CIAO1: variants seen among roughly 807,000 people sequenced by gnomAD.
CIAO1 encodes the protein probable cytosolic iron-sulfur protein assembly protein CIAO1.
Under a neutral mutation model 43.1 loss-of-function variants are expected in CIAO1, and 32 were observed. The ratio of observed to expected loss-of-function variants is 0.74; its 90% CI spans 0.56 to 1.00. CIAO1 has a LOEUF of 1.00. Ranked by LOEUF, CIAO1 falls within the 50% of genes least tolerant of loss-of-function variation. CIAO1 has a pLI of 0.00. For missense variants in CIAO1, 415 were observed against 437.4 expected (o/e 0.95, Z 0.46); for synonymous variants, 183 against 171.4 (o/e 1.07, Z -0.53).
intron 6 of CIAO1, 100 bp downstream of exon 6, chr2:96,269,455 G>A: frequency 9.1e-7 from 1 of 1,103,200 alleles, no homozygotes; most frequent in South Asian, 1.3e-5. Context: ...GGAGTGCTTG[G>A]GAATTGAGGG....
In CIAO1 at chr2:96,266,459, G is replaced by A; in HGVS notation, c.109G>A (p.Asp37Asn). The change falls in exon 1 of 7, where the codon GAC becomes AAC. Residue 37 changes from aspartate to asparagine, a missense_variant. Coordinates refer to ENST00000488633, the MANE Select transcript of CIAO1 (RefSeq NM_004804.3). ...AGTLLASCGG[D>N]RRIRIWGTEG... is the part of the protein sequence containing the mutation. The stretch of plus-strand genomic sequence containing the variant: ...GACCCTGCTGGCCTCGTGCGGCGGC[G>A]ACCGGAGAATCCGCATCTGGGGCAC... 3 of 1,551,038 alleles carry A rather than the reference G, an allele frequency of 1.9e-6. No homozygotes were observed. The highest frequency in any genetic ancestry group is 1.2e-5 in the South Asian group (1 of 85,968).
Position 96,268,452 on chromosome 2 carries a change from C to G in CIAO1, c.490-5C>G, listed in dbSNP as rs542568006. 2.5e-6 allele frequency: 4 copies of G among 1,613,998 alleles called. No homozygotes were observed. The African/African-American group carries it at 5.3e-5, about 22-fold the overall frequency. On this transcript the variant is annotated splice_polypyrimidine_tract_variant and splice_region_variant and intron_variant, in intron 4 of 6. Coordinates refer to ENST00000488633, the MANE Select transcript of CIAO1 (RefSeq NM_004804.3). ...ATGTTGGGTTTCCTTTCACTCTTCC[C>G]CCAGCTCTTAGCTTCTGCCAGCTAT... is the stretch of plus-strand genomic sequence containing the variant.
chr2:96,269,351 G>T lies in CIAO1; in HGVS notation c.775G>T (p.Ala259Ser). The T allele has an allele frequency of 1.2e-6, 2 of 1,613,844 alleles. No homozygotes were observed. Among genetic ancestry groups the T allele is most frequent in the Middle Eastern group, 1.6e-4 (1 of 6,062 alleles). The change falls in exon 6 of 7, where the codon GCT becomes TCT. Residue 259 changes from alanine to serine, a missense_variant. Coordinates refer to ENST00000488633, the MANE Select transcript of CIAO1 (RefSeq NM_004804.3). ...CCACTCAAGGACCATTTATGACATT[G>T]CTTGGTAAGACTCCATCCCCCCACC... is the stretch of plus-strand genomic sequence containing the variant. ...GFHSRTIYDI[A>S]WCQLTGALAT...
intron 6 of CIAO1, among the ~76,000 whole-genome samples, chr2:96,270,893 G>A (rs1573982961): frequency 6.6e-6 from 1 of 152,022 alleles, no homozygotes; most frequent in South Asian, 2.1e-4. Context: ...ATTGCATGTC[G>A]TTTTTTAGGA....
chr2:96,268,879 G>A (rs1342678607), intron 5 of CIAO1: 1 of 577,160 alleles, frequency 1.7e-6, no homozygotes, highest in Non-Finnish European at 3.1e-6. Flanking sequence ...TTTCACGTGA[G>A]AATTCAAGTG....
Position 96,272,479 on chromosome 2 carries a change from A to AT in CIAO1, c.*1129dup, listed in dbSNP as rs1307768205. The AT allele has an allele frequency of 3.3e-5, 5 of 152,240 alleles. No homozygotes were observed. Among genetic ancestry groups the AT allele is most frequent in the African/African-American group, 1.2e-4 (5 of 41,458 alleles). 9.4% of individuals were successfully genotyped at this position (152,240 alleles called of 1,614,324 possible). On this transcript the variant is annotated 3_prime_UTR_variant, in exon 7 of 7. Transcript: ENST00000488633. The stretch of plus-strand genomic sequence containing the variant: ...TGGCAGCAAACTTCTAGTAGTTTTG[A>AT]TATGTCCTTGATAGAACAAATAGCA...
chr2:96,266,381 G>C lies in CIAO1; in HGVS notation c.31G>C (p.Val11Leu). The change falls in exon 1 of 7, where the codon GTC (valine) becomes CTC (leucine). Residue 11 changes from valine (V) to leucine (L), a missense_variant. Coordinates refer to ENST00000488633, the MANE Select transcript of CIAO1 (RefSeq NM_004804.3). MKDSLVLLGR[V>L]PAHPDSRCWF... ...GGACTCGCTGGTGCTGCTGGGCCGT[G>C]TCCCGGCGCACCCGGACTCCCGCTG... 5.3e-6 allele frequency: 8 copies of C among 1,512,496 alleles called. No homozygotes were observed. Among genetic ancestry groups the C allele is most frequent in the Non-Finnish European group, 7.1e-6 (8 of 1,122,716 alleles). The allele number at this position is 1,512,496 out of a possible 1,614,324, so 93.7% of individuals were successfully genotyped here. A position where few individuals can be genotyped will look rare whatever the true frequency, so the allele number is the denominator to read the frequency against.
Position 96,268,456 on chromosome 2 carries a change from G to C in CIAO1, c.490-1G>C. On this transcript the variant is annotated splice_acceptor_variant, in intron 4 of 6. Transcript: ENST00000488633. LOFTEE classifies it high-confidence loss of function. ...TGGGTTTCCTTTCACTCTTCCCCCA[G>C]CTCTTAGCTTCTGCCAGCTATGATG... 1 of 1,614,054 alleles carries C rather than the reference G, an allele frequency of 6.2e-7. No homozygotes were observed. Among genetic ancestry groups the C allele is most frequent in the Non-Finnish European group, 8.5e-7 (1 of 1,179,914 alleles).
In CIAO1 at chr2:96,269,290, C is replaced by A. The variant is rs764794024; in HGVS notation, c.714C>A (p.Asp238Glu). Reference sequence around the variant, plus strand: ...CAGGGGTGGCATGCAGCGGCTCTGACCCCAGTTGGAAATGTATCTGTACTT... The same window carrying A: ...CAGGGGTGGCATGCAGCGGCTCTGAACCCAGTTGGAAATGTATCTGTACTT... Reference protein sequence around the residue: ...NEQGVACSGSDPSWKCICTLS... With the variant: ...NEQGVACSGSEPSWKCICTLS... Residue 238 changes from aspartate (D) to glutamate (E), a missense_variant, in exon 6 of 7, where the codon GAC becomes GAA. Transcript: ENST00000488633. 6.2e-7 allele frequency: 1 copy of A among 1,614,146 alleles called. No homozygotes were observed. The highest frequency in any genetic ancestry group is 2.2e-5 in the East Asian group (1 of 44,882).
At position 96,272,255 on chromosome 2, in the gene CIAO1, T is replaced by A. The variant is rs944327898; in HGVS notation, c.*904T>A. On this transcript the variant is annotated 3_prime_UTR_variant, in exon 7 of 7. Coordinates refer to ENST00000488633, the MANE Select transcript of CIAO1 (RefSeq NM_004804.3). ...CTCTTGACAGTCACTTCTAAATGGGTTCTAATGTGACAATGGCCTCCAAAA... is the reference window on the plus strand; with the variant it reads ...CTCTTGACAGTCACTTCTAAATGGGATCTAATGTGACAATGGCCTCCAAAA... 5 of 152,124 alleles carry A rather than the reference T, an allele frequency of 3.3e-5. No individual in the cohort carries two copies. Among genetic ancestry groups the A allele is most frequent in the African/African-American group, 1.2e-4 (5 of 41,412 alleles). The allele number at this position is 152,124 out of a possible 1,614,324, so 9.4% of individuals were successfully genotyped here.
At position 96,271,564 on chromosome 2, in the gene CIAO1, A is replaced by C. The variant is rs1038036866; in HGVS notation, c.*213A>C. On this transcript the variant is annotated 3_prime_UTR_variant, in exon 7 of 7. Coordinates refer to ENST00000488633, the MANE Select transcript of CIAO1 (RefSeq NM_004804.3). ...GTAAAGAGCTACAGAACATGAGTAC[A>C]TTGTTATACCACAGATTTTTCTTGC... is the stretch of plus-strand genomic sequence containing the variant. 13 of 569,394 alleles carry C rather than the reference A, an allele frequency of 2.3e-5. No homozygotes were observed. The highest frequency in any genetic ancestry group is 3.7e-5 in the Non-Finnish European group (12 of 324,876). 35.3% of individuals were successfully genotyped at this position (569,394 alleles called of 1,614,324 possible).
At chr2:96,266,583 C>G in intron 1 of CIAO1, 94 bp downstream of exon 1, 6 of 1,240,642 alleles carry the variant, frequency 4.8e-6, no homozygotes, top group Non-Finnish European at 6.1e-6. Flanking sequence ...TGAACCTGTT[C>G]CTGGCGGAGG....
Position 96,271,390 on chromosome 2 carries a change from A to C in CIAO1, c.*39A>C. ...TGGACAGAGTAATGACTCCCCAGAA[A>C]ACGTCATATAAGACTTTACCAGCCC... On this transcript the variant is annotated 3_prime_UTR_variant, in exon 7 of 7. Coordinates refer to ENST00000488633, the MANE Select transcript of CIAO1 (RefSeq NM_004804.3). 2 of 1,600,886 alleles carry C rather than the reference A, an allele frequency of 1.2e-6. No homozygotes were observed. The highest frequency in any genetic ancestry group is 1.7e-6 in the Non-Finnish European group (2 of 1,173,262).
At position 96,271,512 on chromosome 2, in the gene CIAO1, T is replaced by C; in HGVS notation, c.*161T>C. 1 of 789,200 alleles carries C rather than the reference T, an allele frequency of 1.3e-6. No homozygotes were observed. Among genetic ancestry groups the C allele is most frequent in the Non-Finnish European group, 2.0e-6 (1 of 510,448 alleles). 48.9% of individuals were successfully genotyped at this position (789,200 alleles called of 1,614,324 possible). ...GTGCAGAGCCACAGAATTGCTTTCC[T>C]TCCCCGCCTTTGACATGAGGCCTTC... is the stretch of plus-strand genomic sequence containing the variant. On this transcript the variant is annotated 3_prime_UTR_variant, in exon 7 of 7. Transcript: ENST00000488633.
Position 96,267,330 on chromosome 2 carries a change from G to A in CIAO1, c.149G>A (p.Trp50Ter), listed in dbSNP as rs750150543. 1 of 1,612,788 alleles carries A rather than the reference G, an allele frequency of 6.2e-7. No homozygotes were observed. The highest frequency in any genetic ancestry group is 2.2e-5 in the East Asian group (1 of 44,816). The change falls in exon 2 of 7, where the codon TGG (tryptophan) becomes TAG (stop). Residue 50 changes from tryptophan to a stop codon, truncating the protein, a stop_gained. Coordinates refer to ENST00000488633, the MANE Select transcript of CIAO1 (RefSeq NM_004804.3). LOFTEE classifies it high-confidence loss of function. ...TGCGCTCCGCCTTTAGGTGACAGCT[G>A]GATCTGCAAGTCTGTCCTTTCTGAA... Reference protein sequence around the residue: ...IRIWGTEGDSWICKSVLSEGH... With the variant: ...IRIWGTEGDS
In CIAO1 at chr2:96,266,433, G is replaced by A. The variant is rs772201213; in HGVS notation, c.83G>A (p.Gly28Glu). The A allele has an allele frequency of 1.3e-5, 20 of 1,563,416 alleles. No individual in the cohort carries two copies. The Admixed American group carries it at 3.5e-4, about 27-fold the overall frequency. ...RCWFLAWNPA[G>E]TLLASCGGDR... ...TGGTTCCTGGCCTGGAACCCCGCGG[G>A]GACCCTGCTGGCCTCGTGCGGCGGC... Residue 28 changes from glycine (G) to glutamate (E), a missense_variant, in exon 1 of 7, where the codon GGG becomes GAG. Gly to Glu is a moderately conservative substitution (Grantham distance 98). Transcript: ENST00000488633.
chr2:96,267,396 G>GC lies in CIAO1; in HGVS notation c.216dup (p.Gly73ArgfsTer2), dbSNP rs780938121. 1.2e-6 allele frequency: 2 copies of GC among 1,614,180 alleles called. No individual in the cohort carries two copies. The highest frequency in any genetic ancestry group is 1.7e-6 in the Non-Finnish European group (2 of 1,180,026). Reference sequence around the variant, plus strand: ...GTGCGGAAGGTAGCCTGGTCCCCCTGCGGTAATTACCTGGCCTCTGCCAGC... The same window carrying GC: ...GTGCGGAAGGTAGCCTGGTCCCCCTGCCGGTAATTACCTGGCCTCTGCCAGC... On this transcript the variant is annotated frameshift_variant, in exon 2 of 7. Coordinates refer to ENST00000488633, the MANE Select transcript of CIAO1 (RefSeq NM_004804.3). LOFTEE classifies it high-confidence loss of function.
Position 96,272,844 on chromosome 2 carries a change from T to TAA in CIAO1, c.*1494_*1495dup, listed in dbSNP as rs1295945321. The TAA allele has an allele frequency of 3.9e-5, 6 of 152,174 alleles. No individual in the cohort carries two copies. Among genetic ancestry groups the TAA allele is most frequent in the African/African-American group, 1.4e-4 (6 of 41,434 alleles). The allele number at this position is 152,174 out of a possible 1,614,324, so 9.4% of individuals were successfully genotyped here. The stretch of plus-strand genomic sequence containing the variant: ...AAAAAAAGTTGACCTTGAGAATTTA[T>TAA]AATATTCTGAGAAAACTGGAAGCAT... On this transcript the variant is annotated 3_prime_UTR_variant, in exon 7 of 7. Transcript: ENST00000488633.
In CIAO1 at chr2:96,271,230, A is replaced by C. The variant is rs374921480; in HGVS notation, c.899A>C (p.Gln300Pro). The change falls in exon 7 of 7, where the codon CAG becomes CCG. Residue 300 changes from glutamine (Q) to proline (P), a missense_variant. Transcript: ENST00000488633. ...TTCTCCCTGACAGCCCACTTGCATC[A>C]GGCCCATTCCCAGGATGTCAACTGT... ...PTFSLTAHLH[Q>P]AHSQDVNCVA... The C allele has an allele frequency of 2.2e-5, 35 of 1,614,156 alleles. No individual in the cohort carries two copies. The highest frequency in any genetic ancestry group is 3.0e-5 in the Non-Finnish European group (35 of 1,180,052).
Sources: gnomAD v4.1 joint callset for allele counts (sites outside exome capture counted in the v4.1 genomes callset) on GRCh38, gnomAD v4.1.1 for gene constraint, MANE v1.5 for transcripts, NCBI Gene and HGNC (gene_info 2026-07-23, HGNC 2026-07-21) for gene names.